PDGFC: variants seen among roughly 807,000 people sequenced by gnomAD.
PDGFC encodes platelet derived growth factor C.
A neutral mutation model predicts 35.5 loss-of-function variants in PDGFC; 12 were observed. The ratio of observed to expected loss-of-function variants is 0.34; its 90% CI spans 0.22 to 0.55. The LOEUF is 0.55. Among genes scored for constraint, PDGFC ranks in the 20% least tolerant of loss-of-function variants. PDGFC has a pLI of 0.91. For synonymous variants in PDGFC, 159 were observed against 148.8 expected (o/e 1.07, Z -0.50); for missense variants, 322 against 412.4 (o/e 0.78, Z 1.90).
chr4:156,907,553 C>A (rs1328113334), intron 1 of PDGFC, among the ~76,000 whole-genome samples: 1 of 152,172 alleles, frequency 6.6e-6, no homozygotes. Flanking sequence ...GCCCCCCACT[C>A]ACTAGTCCTC....
chr4:156,843,380 C>G (rs976061689), intron 2 of PDGFC, among the ~76,000 whole-genome samples: 3 of 152,180 alleles, frequency 2.0e-5, no homozygotes, highest in African/African-American at 7.2e-5. Flanking sequence ...TGGTTTGTTA[C>G]AGCAGTCCAA....
At chr4:156,898,690 G>C (rs943975894) in intron 1 of PDGFC, among the ~76,000 whole-genome samples, 1 of 151,542 alleles carries the variant, frequency 6.6e-6, no homozygotes, top group African/African-American at 2.4e-5. Flanking sequence ...ACAGGGTCTA[G>C]CTCTGTCACC....
At chr4:156,864,144 T>C (rs1254412076) in intron 1 of PDGFC, among the ~76,000 whole-genome samples, 1 of 152,156 alleles carries the variant, frequency 6.6e-6, no homozygotes, top group East Asian at 1.9e-4. Flanking sequence ...AAAAAGTTTA[T>C]ATTTCACCTG....
chr4:156,856,855 C>A (rs750758053), intron 1 of PDGFC, among the ~76,000 whole-genome samples: 1 of 152,044 alleles, frequency 6.6e-6, no homozygotes, highest in South Asian at 2.1e-4. Flanking sequence ...TCCGTAATAA[C>A]CTACAAACAT....
intron 3 of PDGFC, among the ~76,000 whole-genome samples, chr4:156,805,767 T>A (rs769434546): frequency 6.6e-6 from 1 of 151,802 alleles, no homozygotes; most frequent in Non-Finnish European, 1.5e-5. Context: ...TGAAAAAAAA[T>A]ATCCTCCCTC....
intron 1 of PDGFC, among the ~76,000 whole-genome samples, chr4:156,968,409 A>C (rs1288628136): frequency 1.3e-5 from 2 of 152,186 alleles, no homozygotes; most frequent in Non-Finnish European, 2.9e-5. Context: ...AGGACTGTAC[A>C]ACTGTCAAAA....
intron 1 of PDGFC, among the ~76,000 whole-genome samples, chr4:156,966,594 A>G (rs1216785729): frequency 1.3e-5 from 2 of 152,206 alleles, no homozygotes; most frequent in South Asian, 2.1e-4. Context: ...AAGCTTGAAA[A>G]AAACATGAAG....
intron 2 of PDGFC, among the ~76,000 whole-genome samples, chr4:156,825,590 T>TAAGAAGAAGAAG (rs1238405953): frequency 3.9e-3 from 307 of 78,286 alleles, no homozygotes; most frequent in African/African-American, 6.4e-3. Flanking sequence ...ATAATAATAA[T>TAAGAAGAAGAAG]AATAAGAAGA....
At chr4:156,794,049 A>G (rs1053266967) in intron 3 of PDGFC, among the ~76,000 whole-genome samples, 1 of 152,166 alleles carries the variant, frequency 6.6e-6, no homozygotes, top group South Asian at 2.1e-4. Flanking sequence ...TATAATTTGT[A>G]TCATAAAACA....
intron 1 of PDGFC, among the ~76,000 whole-genome samples, chr4:156,888,873 G>C (rs1730438264): frequency 1.3e-5 from 2 of 152,142 alleles, no homozygotes; most frequent in South Asian, 4.1e-4. Context: ...TAGAGAGATT[G>C]CTCACCCAAG....
At chr4:156,957,212 T>C (rs894787747) in intron 1 of PDGFC, among the ~76,000 whole-genome samples, 10 of 151,958 alleles carry the variant, frequency 6.6e-5, no homozygotes, top group Admixed American at 2.0e-4. Flanking sequence ...ACATTTAATC[T>C]TTTCCTCTCC....
intron 1 of PDGFC, among the ~76,000 whole-genome samples, chr4:156,895,632 A>AG (rs1730616454): frequency 6.6e-6 from 1 of 151,598 alleles, no homozygotes; most frequent in Non-Finnish European, 1.5e-5. Flanking sequence ...ACTCTGTCTC[A>AG]GAAAAAAAAA....
At chr4:156,951,771 A>C (rs1161972249) in intron 1 of PDGFC, among the ~76,000 whole-genome samples, 1 of 151,614 alleles carries the variant, frequency 6.6e-6, no homozygotes, top group Non-Finnish European at 1.5e-5. Flanking sequence ...TTTCTTTGAA[A>C]GACTTCATTG....
At chr4:156,842,327 A>G (rs1729224318) in intron 2 of PDGFC, 1 of 152,096 alleles carries the variant, frequency 6.6e-6, no homozygotes, top group African/African-American at 2.4e-5. Context: ...CAAAGAAAAA[A>G]GTAGTGGTAA....
chr4:156,801,019 C>T (rs912761422), intron 3 of PDGFC, among the ~76,000 whole-genome samples: 3 of 152,052 alleles, frequency 2.0e-5, no homozygotes, highest in Non-Finnish European at 4.4e-5. Flanking sequence ...GCCATTATTC[C>T]CAAGGTCAAA....
chr4:156,841,027 T>G (rs1032870667), intron 2 of PDGFC, among the ~76,000 whole-genome samples: 3 of 152,102 alleles, frequency 2.0e-5, no homozygotes, highest in African/African-American at 7.2e-5. Context: ...GGACTTGCCT[T>G]GTCTCAAATG....
At chr4:156,943,485 G>A (rs566561097) in intron 1 of PDGFC, among the ~76,000 whole-genome samples, 19 of 152,090 alleles carry the variant, frequency 1.2e-4, no homozygotes, top group Admixed American at 5.2e-4. Context: ...AACAAGATCC[G>A]GGAGGATTCA....
chr4:156,808,777 G>C (rs1579022633), intron 3 of PDGFC, among the ~76,000 whole-genome samples: 1 of 152,034 alleles, frequency 6.6e-6, no homozygotes, highest in Non-Finnish European at 1.5e-5. Context: ...CCCTTCTGCA[G>C]ACAGTTTATT....
intron 1 of PDGFC, among the ~76,000 whole-genome samples, chr4:156,860,121 T>C (rs560159119): frequency 6.6e-6 from 1 of 152,156 alleles, no homozygotes; most frequent in African/African-American, 2.4e-5. Flanking sequence ...CTGAACTGAC[T>C]TTATGAGGCT....
Sources: gnomAD v4.1 joint callset for allele counts (sites outside exome capture counted in the v4.1 genomes callset) on GRCh38, gnomAD v4.1.1 for gene constraint, MANE v1.5 for transcripts, NCBI Gene and HGNC (gene_info 2026-07-23, HGNC 2026-07-21) for gene names.